The following TANC1 variants were observed in gnomAD, a reference collection of about 807,000 sequenced individuals.
The protein encoded by TANC1 is protein TANC1.
A neutral mutation model predicts 149.7 loss-of-function variants in TANC1; 77 were observed. The ratio of observed to expected loss-of-function variants is 0.51; its 90% CI spans 0.43 to 0.62. The LOEUF (loss-of-function observed/expected upper bound fraction) is 0.62. TANC1 is among the 20% of genes least tolerant of loss of function. TANC1 has a pLI of 0.00. For synonymous variants in TANC1, 854 were observed against 925.0 expected (o/e 0.92, Z 1.39); for missense variants, 1,985 against 2,321.8 (o/e 0.85, Z 2.98).
chr2:159,167,409 C>T (rs544488268), intron 8 of TANC1, among the ~76,000 whole-genome samples: 4 of 152,228 alleles, frequency 2.6e-5, no homozygotes, highest in South Asian at 2.1e-4. Context: ...GTTAGCCCTC[C>T]GGGAGATTTT....
chr2:159,198,858 C>T (rs2058049707), intron 18 of TANC1, 117 bp from the exon 19 acceptor site: 1 of 670,084 alleles, frequency 1.5e-6, no homozygotes, highest in South Asian at 1.9e-5. Context: ...ATTTTTCTCT[C>T]CTTGGGCAGT....
At position 159,227,945 on chromosome 2, in the gene TANC1, C is replaced by T; in HGVS notation, c.4030C>T (p.Arg1344Ter). ...GGTTTCCCTCTATCTCAATTTGTCGCGATGCCGAAGAAAAACAAATGTAAG... is the reference window on the plus strand; with the variant it reads ...GGTTTCCCTCTATCTCAATTTGTCGTGATGCCGAAGAAAAACAAATGTAAG... ...LRVSLYLNLS[R>*]CRRKTNDFGM... The change falls in exon 25 of 27, where the codon CGA (arginine) becomes TGA (stop). Residue 1344 changes from arginine (R) to a stop codon, truncating the protein, a stop_gained. Transcript: ENST00000263635. LOFTEE classifies it high-confidence loss of function. 7 of 1,612,766 alleles carry T rather than the reference C, an allele frequency of 4.3e-6. No homozygotes were observed. Among genetic ancestry groups the T allele is most frequent in the Non-Finnish European group, 5.1e-6 (6 of 1,179,638 alleles).
At position 159,134,353 on chromosome 2, in the gene TANC1, A is replaced by G. The variant is rs529081275; in HGVS notation, c.260-1841A>G. Among the ~76,000 whole-genome samples, 17 of 152,314 alleles carry G rather than the reference A, an allele frequency of 1.1e-4. 1 individual carries two copies. Among genetic ancestry groups the G allele is most frequent in the Admixed American group, 7.8e-4 (12 of 15,308 alleles). On this transcript the variant is annotated intron_variant, in intron 4 of 26. Coordinates refer to ENST00000263635, the MANE Select transcript of TANC1 (RefSeq NM_033394.3). Reference sequence around the variant, plus strand: ...AGGGTTTCACCCTGTCGCCCAGGCTAGAATGCAGTGGTGTGATCTTGGCTC... The same window carrying G: ...AGGGTTTCACCCTGTCGCCCAGGCTGGAATGCAGTGGTGTGATCTTGGCTC...
intron 3 of TANC1, among the ~76,000 whole-genome samples, chr2:159,084,661 C>G (rs2044652922): frequency 6.6e-6 from 1 of 152,136 alleles, no homozygotes. Context: ...GTCTTTTTCC[C>G]TTCCACTTAT....
chr2:159,146,426 G>A (rs974918222), intron 5 of TANC1, among the ~76,000 whole-genome samples: 79 of 152,044 alleles, frequency 5.2e-4, no homozygotes, highest in African/African-American at 1.2e-4. Context: ...ATAAAATAAC[G>A]TCTGTCCATT....
chr2:159,225,976 A>G, intron 24 of TANC1, 197 bp downstream of exon 24: 9 of 612,386 alleles, frequency 1.5e-5, no homozygotes, highest in South Asian at 3.7e-5. Context: ...GAGGCCAGGA[A>G]TTCCAGACCA....
intron 4 of TANC1, among the ~76,000 whole-genome samples, chr2:159,127,707 G>A (rs990424033): frequency 6.6e-6 from 1 of 152,218 alleles, no homozygotes. Context: ...ACCGGGGCCC[G>A]TCAGGGCACG....
In TANC1 at chr2:158,972,352, T is replaced by C. The variant is rs2033013343; in HGVS notation, c.-126+3570T>C. Among the ~76,000 whole-genome samples the C allele has an allele frequency of 2.0e-5, 3 of 152,330 alleles. No individual in the cohort carries two copies. The South Asian group carries it at 6.2e-4, about 32-fold the overall frequency. On this transcript the variant is annotated intron_variant, in intron 1 of 26. Transcript: ENST00000263635. ...AGTATTCCTTTTTTTGGTGTCATCA[T>C]TCTTGGACTGTTCCTACTGATGGCT...
intron 3 of TANC1, among the ~76,000 whole-genome samples, chr2:159,085,723 A>G (rs2044766912): frequency 6.6e-6 from 1 of 152,140 alleles, no homozygotes; most frequent in Non-Finnish European, 1.5e-5. Flanking sequence ...TAGTGAACTA[A>G]TAGAGTGAGA....
intron 3 of TANC1, among the ~76,000 whole-genome samples, chr2:159,067,527 G>T (rs1487610909): frequency 6.6e-6 from 1 of 152,180 alleles, no homozygotes; most frequent in African/African-American, 2.4e-5. Flanking sequence ...ACCCTCTGCT[G>T]GGTCAAGACC....
rs201218896 is a variant in TANC1 at position 159,219,751 on chromosome 2, A to G, written c.3562A>G (p.Lys1188Glu). ...GLSALSWACL[K>E]GHRAVVQYLV... Reference sequence around the variant, plus strand: ...GTCAGCATTAAGCTGGGCTTGTCTGAAAGGTCACAGGGCAGTGGTCCAGTA... The same window carrying G: ...GTCAGCATTAAGCTGGGCTTGTCTGGAAGGTCACAGGGCAGTGGTCCAGTA... Residue 1188 changes from lysine to glutamate, a missense_variant, in exon 22 of 27, where the codon AAA (lysine) becomes GAA (glutamate). Lys to Glu is a moderately conservative substitution (Grantham distance 56). Coordinates refer to ENST00000263635, the MANE Select transcript of TANC1 (RefSeq NM_033394.3). The G allele has an allele frequency of 4.4e-4, 707 of 1,614,216 alleles. No individual in the cohort carries two copies. Among genetic ancestry groups the G allele is most frequent in the Non-Finnish European group, 5.8e-4 (681 of 1,180,036 alleles).
chr2:159,215,065 G>A (rs1363349669), intron 19 of TANC1, among the ~76,000 whole-genome samples: 1 of 152,180 alleles, frequency 6.6e-6, no homozygotes, highest in Non-Finnish European at 1.5e-5. Context: ...CACACTGACT[G>A]AGGACCAGAA....
chr2:159,181,392 G>A (rs2056457999), intron 14 of TANC1, among the ~76,000 whole-genome samples: 1 of 151,996 alleles, frequency 6.6e-6, no homozygotes. Context: ...GCCCCCTGGG[G>A]TTCACACCAT....
intron 14 of TANC1, among the ~76,000 whole-genome samples, chr2:159,180,772 G>C (rs2056389994): frequency 6.6e-6 from 1 of 152,228 alleles, no homozygotes; most frequent in African/African-American, 2.4e-5. Context: ...AACAGTTTTT[G>C]TTATATGCAG....
intron 12 of TANC1, 85 bp downstream of exon 12, chr2:159,175,269 G>C (rs1342795342): frequency 9.0e-7 from 1 of 1,110,824 alleles, no homozygotes; most frequent in African/African-American, 1.5e-5. Flanking sequence ...TGGTCAGCCG[G>C]GCTGGGGTAG....
chr2:159,159,439 CAAAAA>C (rs34576502), intron 7 of TANC1, among the ~76,000 whole-genome samples: 2 of 92,984 alleles, frequency 2.2e-5, no homozygotes, highest in African/African-American at 9.6e-5. Flanking sequence ...GACCCTGTCT[CAAAAA>C]AAAAAAAAAA....
rs115800870 is a variant in TANC1, at chr2:159,119,970, G to A, written c.260-16224G>A. On this transcript the variant is annotated intron_variant, in intron 4 of 26. Transcript: ENST00000263635. ...CAGAGGAGGACAGTGCCTCTTGCTCGCAAGCCCAGCCTTCATACTGCCTTT... is the reference window on the plus strand; with the variant it reads ...CAGAGGAGGACAGTGCCTCTTGCTCACAAGCCCAGCCTTCATACTGCCTTT... Among the ~76,000 whole-genome samples the A allele has an allele frequency of 9.8e-3, 1,499 of 152,274 alleles. 31 individuals are homozygous for A. The highest frequency in any genetic ancestry group is 0.034 in the African/African-American group (1,421 of 41,542).
chr2:158,980,857 CAT>C (rs1341165003), intron 1 of TANC1, among the ~76,000 whole-genome samples: 1 of 151,900 alleles, frequency 6.6e-6, no homozygotes, highest in Non-Finnish European at 1.5e-5. Flanking sequence ...TCAAGGTTCA[CAT>C]TGCACTGTGG....
At position 159,184,238 on chromosome 2, in the gene TANC1, A is replaced by G. The variant is rs114287780; in HGVS notation, c.2511-1553A>G. 1.0e-2 allele frequency among the ~76,000 whole-genome samples: 1,523 copies of G among 152,354 alleles called. 9 individuals are homozygous for G. The highest frequency in any genetic ancestry group is 0.016 in the Non-Finnish European group (1,119 of 68,030). On this transcript the variant is annotated intron_variant, in intron 14 of 26. Transcript: ENST00000263635. ...GCATCTGGCATAGAGTAAGAGCTTG[A>G]TACCTGGAAGCTTTGGAAATTAACA...
Sources: gnomAD v4.1 joint callset for allele counts (sites outside exome capture counted in the v4.1 genomes callset) on GRCh38, gnomAD v4.1.1 for gene constraint, MANE v1.5 for transcripts, NCBI Gene and HGNC (gene_info 2026-07-23, HGNC 2026-07-21) for gene names.